POC1B: variants seen among roughly 807,000 people sequenced by gnomAD.
POC1B encodes POC1 centriolar protein homolog B.
In POC1B, 44 loss-of-function variants were observed where a neutral mutation model predicts 60.6. That is an observed-to-expected ratio of 0.73 (90% CI 0.57 to 0.93). The LOEUF (loss-of-function observed/expected upper bound fraction) is 0.93. Among genes scored for constraint, POC1B ranks in the 40% least tolerant of loss-of-function variants. The probability of loss-of-function intolerance (pLI) is 0.00; values close to 1 mark genes in which losing one functional copy is unlikely to be tolerated. For synonymous variants in POC1B, 180 were observed against 198.9 expected, an observed-to-expected ratio of 0.90 and a Z score of 0.80; for missense variants, 555 against 572.3, an observed-to-expected ratio of 0.97 and a Z score of 0.31.
chr12:89,506,130 A>AC (rs1311536011), intron 2 of POC1B, among the ~76,000 whole-genome samples: 5 of 151,956 alleles, frequency 3.3e-5, no homozygotes, highest in Admixed American at 6.6e-5. Context: ...AGATGGATAT[A>AC]CCCCGCCTGG....
intron 10 of POC1B, 26 bp from the exon 11 acceptor site, chr12:89,425,405 A>G: frequency 1.3e-6 from 2 of 1,571,146 alleles, no homozygotes; most frequent in African/African-American, 2.7e-5. Flanking sequence ...AAATGTAGGA[A>G]GAGTTATATT....
At chr12:89,524,623 C>T in intron 2 of POC1B, 1 of 1,496,700 alleles carries the variant, frequency 6.7e-7, no homozygotes, top group East Asian at 2.3e-5. Flanking sequence ...GAACCCACAG[C>T]TCGAGCTCAG....
intron 7 of POC1B, among the ~76,000 whole-genome samples, chr12:89,468,135 A>G (rs1454437561): frequency 6.6e-6 from 1 of 152,210 alleles, no homozygotes; most frequent in Non-Finnish European, 1.5e-5. Context: ...GTAGGCAACC[A>G]TAAACCACTA....
intron 10 of POC1B, among the ~76,000 whole-genome samples, chr12:89,451,521 T>G (rs1469492746): frequency 6.6e-6 from 1 of 151,806 alleles, no homozygotes; most frequent in Non-Finnish European, 1.5e-5. Flanking sequence ...TTTATTTATG[T>G]TTCAGGATAT....
chr12:89,408,534 G>A, the POC1B span, among the ~76,000 whole-genome samples: 1 of 149,228 alleles, frequency 6.7e-6, no homozygotes, highest in Non-Finnish European at 1.5e-5. Flanking sequence ...CACCCAGGCT[G>A]GAGTGCAGTG....
chr12:89,523,976 T>C, intron 2 of POC1B: 1 of 1,613,900 alleles, frequency 6.2e-7, no homozygotes, highest in Non-Finnish European at 8.5e-7. Context: ...CTATCAAGAT[T>C]GCTGATGTAA....
chr12:89,444,767 A>G (rs868817540), intron 10 of POC1B, among the ~76,000 whole-genome samples: 2 of 152,238 alleles, frequency 1.3e-5, no homozygotes, highest in Non-Finnish European at 2.9e-5. Flanking sequence ...TCAATCAGGC[A>G]GGAGAAAGAA....
At chr12:89,402,439 CG>C in the POC1B span, among the ~76,000 whole-genome samples, 1 of 151,668 alleles carries the variant, frequency 6.6e-6, no homozygotes, top group Non-Finnish European at 1.5e-5. Flanking sequence ...AACCTATGTA[CG>C]GGGGGTTGTT....
chr12:89,448,398 G>A (rs1483267093), intron 10 of POC1B, among the ~76,000 whole-genome samples: 2 of 152,162 alleles, frequency 1.3e-5, no homozygotes, highest in African/African-American at 4.8e-5. Context: ...AAAAACTGAT[G>A]TTCTCATCTA....
At chr12:89,493,813 C>A (rs1011183826) in intron 3 of POC1B, among the ~76,000 whole-genome samples, 6 of 152,226 alleles carry the variant, frequency 3.9e-5, no homozygotes, top group Non-Finnish European at 5.9e-5. Flanking sequence ...TAGGCTAAAC[C>A]AAGCACTGGA....
intron 2 of POC1B, chr12:89,523,471 A>C: frequency 6.2e-7 from 1 of 1,613,800 alleles, no homozygotes; most frequent in East Asian, 2.2e-5. Context: ...CACATGGCCC[A>C]CGTGGGAACA....
intron 2 of POC1B, chr12:89,502,157 G>A (rs1869605822): frequency 8.5e-7 from 1 of 1,171,430 alleles, no homozygotes; most frequent in African/African-American, 1.5e-5. Context: ...GAGGAAAGTG[G>A]ACCTTCCAGG....
At chr12:89,504,045 G>A (rs1184895762) in intron 2 of POC1B, among the ~76,000 whole-genome samples, 4 of 128,024 alleles carry the variant, frequency 3.1e-5, no homozygotes, top group East Asian at 2.6e-4. Flanking sequence ...GCCTCTGCCC[G>A]GCCGCCCCTT....
At chr12:89,491,532 G>A (rs1868969387) in intron 4 of POC1B, among the ~76,000 whole-genome samples, 1 of 149,442 alleles carries the variant, frequency 6.7e-6, no homozygotes, top group Admixed American at 6.7e-5. Context: ...TCTGAGGTAG[G>A]AGAATCACCT....
chr12:89,443,414 C>T (rs375374539), intron 10 of POC1B, among the ~76,000 whole-genome samples: 1 of 152,164 alleles, frequency 6.6e-6, no homozygotes, highest in East Asian at 1.9e-4. Context: ...TCTCAGACCA[C>T]AATGCAATCA....
At position 89,476,751 on chromosome 12, in the gene POC1B, T is replaced by TAGAC. The variant is rs765507189; in HGVS notation, c.453-4477_453-4476insGTCT. On this transcript the variant is annotated intron_variant, in intron 4 of 11. Transcript: ENST00000313546. ...ATAGATAGATAGATAGATAGATAGA[T>TAGAC]AGATAGATAGACAGACAGACAGACA... is the stretch of plus-strand genomic sequence containing the variant. 2.6e-3 allele frequency among the ~76,000 whole-genome samples: 278 copies of TAGAC among 105,026 alleles called. 2 individuals are homozygous for TAGAC. The highest frequency in any genetic ancestry group is 9.3e-3 in the African/African-American group (271 of 29,106). The allele number at this position is 105,026 out of a possible 152,430, so 68.9% of individuals were successfully genotyped here.
chr12:89,520,416 T>TA (rs1242319937), intron 2 of POC1B: 1 of 151,930 alleles, frequency 6.6e-6, no homozygotes, highest in Admixed American at 6.6e-5. Context: ...TAAAAATAAG[T>TA]AAAAAATAAA....
At chr12:89,500,082 G>C in intron 2 of POC1B, 1 of 1,359,286 alleles carries the variant, frequency 7.4e-7, no homozygotes. Context: ...CTGGCTCAGC[G>C]GGGCCGGAAC....
In POC1B at chr12:89,472,185, G is replaced by T; in HGVS notation, c.543C>A (p.Asn181Lys). ...GTACTTACCCAACGGAATCTGAGAA[G>T]TTATTAACACATTGCTTATTTGTGG... ...WDTTNKQCVN[N>K]FSDSVGFANF... is the part of the protein sequence containing the mutation. Residue 181 changes from asparagine to lysine, a missense_variant, in exon 5 of 12, where the codon AAC (asparagine) becomes AAA (lysine). Physicochemically the swap from Asn to Lys is moderately conservative, Grantham distance 94. Coordinates refer to ENST00000313546, the MANE Select transcript of POC1B (RefSeq NM_172240.3). 1.3e-6 allele frequency: 2 copies of T among 1,590,982 alleles called. No individual in the cohort carries two copies. Among genetic ancestry groups the T allele is most frequent in the Non-Finnish European group, 1.7e-6 (2 of 1,159,836 alleles).
Sources: gnomAD v4.1 joint callset for allele counts (sites outside exome capture counted in the v4.1 genomes callset) on GRCh38, gnomAD v4.1.1 for gene constraint, MANE v1.5 for transcripts, NCBI Gene and HGNC (gene_info 2026-07-23, HGNC 2026-07-21) for gene names.